TTLL7: variants seen among roughly 807,000 people sequenced by gnomAD.
TTLL7 encodes tubulin polyglutamylase TTLL7.
A neutral mutation model predicts 120.2 loss-of-function variants in TTLL7; 53 were observed. The observed-to-expected ratio is 0.44, with a 90% confidence interval of 0.35 to 0.55. The LOEUF (loss-of-function observed/expected upper bound fraction) is 0.55. Ranked by LOEUF, TTLL7 falls within the 20% of genes least tolerant of loss-of-function variation. TTLL7 has a pLI of 0.00. For missense variants in TTLL7, 803 were observed against 1,054.7 expected (o/e 0.76, Z 3.31); for synonymous variants, 353 against 351.7 (o/e 1.00, Z -0.04).
chr1:83,993,654 T>C (rs936993309), intron 1 of TTLL7, among the ~76,000 whole-genome samples: 1 of 152,214 alleles, frequency 6.6e-6, no homozygotes, highest in African/African-American at 2.4e-5. Context: ...TCAGAGACCT[T>C]TGGGTCAGCC....
intron 18 of TTLL7, among the ~76,000 whole-genome samples, chr1:83,892,597 AATGAACATATAT>A (rs1233809460): frequency 3.1e-4 from 37 of 120,178 alleles, no homozygotes; most frequent in African/African-American, 9.1e-4. Flanking sequence ...TGAACATATG[AATGAACATATAT>A]ATGAACATAT....
intron 14 of TTLL7, 139 bp from the exon 15 acceptor site, chr1:83,911,502 C>T: frequency 1.5e-6 from 1 of 680,848 alleles, no homozygotes; most frequent in East Asian, 2.7e-5. Context: ...ACTATTGCTG[C>T]CATGCTGCTT....
chr1:83,906,633 AT>A, intron 16 of TTLL7, 170 bp from the exon 17 acceptor site: 1 of 831,820 alleles, frequency 1.2e-6, no homozygotes, highest in Non-Finnish European at 1.9e-6. Context: ...TTAAATGGAT[AT>A]GAATCCCAAG....
In TTLL7 at chr1:83,920,666, G is replaced by A. The variant is rs149024645; in HGVS notation, c.1364+421C>T. 66 of 166,236 alleles carry A rather than the reference G, an allele frequency of 4.0e-4. No individual in the cohort carries two copies. In the South Asian group the frequency reaches 8.5e-3, roughly 21 times the overall value. 10.3% of individuals were successfully genotyped at this position (166,236 alleles called of 1,614,324 possible). ...CTGTCAAGGGTGATATTGTGGAAGG[G>A]TTCCAGTTTAACACAGCCCACATCC... On this transcript the variant is annotated intron_variant, in intron 12 of 20. Coordinates refer to ENST00000260505, the MANE Select transcript of TTLL7 (RefSeq NM_024686.6).
intron 9 of TTLL7, among the ~76,000 whole-genome samples, chr1:83,929,563 T>A (rs753155021): frequency 6.6e-6 from 1 of 152,152 alleles, no homozygotes; most frequent in Non-Finnish European, 1.5e-5. Flanking sequence ...TTAAAAGTGA[T>A]TTAGCCTAAC....
chr1:83,938,490 G>T (rs1425667799), intron 7 of TTLL7, among the ~76,000 whole-genome samples: 1 of 152,152 alleles, frequency 6.6e-6, no homozygotes, highest in Non-Finnish European at 1.5e-5. Context: ...CATAAGCCGA[G>T]AGGCAGGACT....
intron 1 of TTLL7, among the ~76,000 whole-genome samples, chr1:83,976,538 A>G (rs1167308609): frequency 6.6e-6 from 1 of 152,134 alleles, no homozygotes; most frequent in African/African-American, 2.4e-5. Flanking sequence ...AATATAAATT[A>G]TTAATAATGA....
In TTLL7 at chr1:83,892,958, T is replaced by G. The variant is rs79538088; in HGVS notation, c.2209-2477A>C. ...AGAAAGAAAGAAAGAAAGAAAAGAA[T>G]AAAAGAAAGAAAGAGAAAAAAGAGA... On this transcript the variant is annotated intron_variant, in intron 18 of 20. Transcript: ENST00000260505. Among the ~76,000 whole-genome samples, 104 of 54,030 alleles carry G rather than the reference T, an allele frequency of 1.9e-3. 2 individuals carry two copies. Among genetic ancestry groups the G allele is most frequent in the African/African-American group, 4.5e-3 (63 of 14,038 alleles). The allele number at this position is 54,030 out of a possible 152,430, so 35.4% of individuals were successfully genotyped here.
intron 9 of TTLL7, among the ~76,000 whole-genome samples, chr1:83,931,826 T>C (rs1202821764): frequency 6.6e-6 from 1 of 152,178 alleles, no homozygotes; most frequent in African/African-American, 2.4e-5. Flanking sequence ...AGTTATCACA[T>C]ACCCAGAAGC....
chr1:83,903,805 G>T (rs1018258298), intron 18 of TTLL7, among the ~76,000 whole-genome samples: 4 of 151,978 alleles, frequency 2.6e-5, no homozygotes, highest in Non-Finnish European at 2.9e-5. Context: ...ATAGAAGGCT[G>T]ACTGTACTAC....
intron 10 of TTLL7, among the ~76,000 whole-genome samples, chr1:83,923,528 A>C (rs1658858886): frequency 6.6e-6 from 1 of 151,938 alleles, no homozygotes; most frequent in Non-Finnish European, 1.5e-5. Flanking sequence ...ACTTATACAC[A>C]AACAGTTTGA....
intron 20 of TTLL7, 77 bp from the exon 21 acceptor site, chr1:83,870,159 A>C: frequency 1.5e-6 from 2 of 1,332,050 alleles, no homozygotes; most frequent in Non-Finnish European, 2.0e-6. Context: ...GTGGTTAGCA[A>C]TTTACGTAGT....
chr1:83,975,322 G>A (rs2100583294), intron 1 of TTLL7, among the ~76,000 whole-genome samples: 1 of 152,212 alleles, frequency 6.6e-6, no homozygotes, highest in South Asian at 2.1e-4. Flanking sequence ...AGCTCCTCAA[G>A]TGATTTAAAT....
intron 18 of TTLL7, chr1:83,900,145 A>G (rs1280378972): frequency 2.2e-6 from 1 of 445,488 alleles, no homozygotes; most frequent in Admixed American, 2.5e-5. Flanking sequence ...CATGTAAAAA[A>G]CAGAATAGCA....
intron 1 of TTLL7, among the ~76,000 whole-genome samples, chr1:83,963,176 G>A (rs28567085): frequency 0.43 from 64,729 of 151,934 alleles, 15,397 homozygotes; most frequent in Non-Finnish European, 0.54. Flanking sequence ...CCAAGGATGC[G>A]TACATGACTT....
At chr1:83,935,562 T>G (rs373581826) in intron 8 of TTLL7, among the ~76,000 whole-genome samples, 1 of 152,228 alleles carries the variant, frequency 6.6e-6, no homozygotes, top group South Asian at 2.1e-4. Context: ...ATTATACTCA[T>G]TTTTAATCTC....
chr1:83,993,921 ATTTAAG>A (rs759056902), intron 1 of TTLL7, among the ~76,000 whole-genome samples: 5 of 152,364 alleles, frequency 3.3e-5, no homozygotes, highest in African/African-American at 7.2e-5. Context: ...ACTCAAGCTT[ATTTAAG>A]TTTAACTTTT....
chr1:83,896,860 T>C (rs1158009977), intron 18 of TTLL7, among the ~76,000 whole-genome samples: 1 of 152,104 alleles, frequency 6.6e-6, no homozygotes, highest in Non-Finnish European at 1.5e-5. Context: ...CTGGCATTCT[T>C]TGCAGCCCAC....
rs569652906 is a variant in TTLL7, at chr1:83,990,337, G to A, written c.-177+8594C>T. 7.7e-4 allele frequency among the ~76,000 whole-genome samples: 117 copies of A among 152,102 alleles called. No individual in the cohort carries two copies. The South Asian group carries it at 9.0e-3, about 12-fold the overall frequency. On this transcript the variant is annotated intron_variant, in intron 1 of 20. Coordinates refer to ENST00000260505, the MANE Select transcript of TTLL7 (RefSeq NM_024686.6). ...ACTACAGGCGCCCGCCACTGCGCCC[G>A]GCTAATTTTTTGTATTTTTAGTAGA...
Sources: gnomAD v4.1 joint callset for allele counts (sites outside exome capture counted in the v4.1 genomes callset) on GRCh38, gnomAD v4.1.1 for gene constraint, MANE v1.5 for transcripts, NCBI Gene and HGNC (gene_info 2026-07-23, HGNC 2026-07-21) for gene names.